The following SCARA3 variants were observed in gnomAD, a reference collection of about 807,000 sequenced individuals.
SCARA3 encodes scavenger receptor class A member 3, also known as cellular stress response gene protein.
SCARA3 carries 39 observed loss-of-function variants against 47.0 expected under a neutral mutation model. The observed-to-expected ratio is 0.83, with a 90% confidence interval of 0.64 to 1.08. The LOEUF (loss-of-function observed/expected upper bound fraction) is 1.08, where lower values mean the gene tolerates loss of function less well. SCARA3 is among the 50% of genes least tolerant of loss of function. The pLI, the probability that SCARA3 is intolerant of heterozygous loss-of-function variation, is 0.00. For missense variants in SCARA3, 724 were observed against 792.3 expected, an observed-to-expected ratio of 0.91 and a Z score of 1.04; for synonymous variants, 356 against 334.1, an observed-to-expected ratio of 1.07 and a Z score of -0.71.
At chr8:27,663,808 T>C (rs1406139686) in intron 5 of SCARA3, among the ~76,000 whole-genome samples, 1 of 152,228 alleles carries the variant, frequency 6.6e-6, no homozygotes, top group African/African-American at 2.4e-5. Flanking sequence ...CTGGGTCCTA[T>C]GGCCCAGGCA....
At chr8:27,718,659 A>T in the SCARA3 span, among the ~76,000 whole-genome samples, 1 of 152,228 alleles carries the variant, frequency 6.6e-6, no homozygotes, top group Non-Finnish European at 1.5e-5. Flanking sequence ...AAAAGATGCA[A>T]TATCAGATAT....
At chr8:27,663,708 G>C (rs1801959556) in intron 5 of SCARA3, among the ~76,000 whole-genome samples, 1 of 152,152 alleles carries the variant, frequency 6.6e-6, no homozygotes, top group Admixed American at 6.5e-5. Context: ...AAAATCCTAA[G>C]GGATTGTACT....
the SCARA3 span, among the ~76,000 whole-genome samples, chr8:27,705,994 G>A: frequency 6.6e-6 from 1 of 152,218 alleles, no homozygotes; most frequent in Non-Finnish European, 1.5e-5. Flanking sequence ...AGAGCTGGTG[G>A]TGAGAGAGAG....
downstream of SCARA3, among the ~76,000 whole-genome samples, chr8:27,678,471 C>T (rs1001693953): frequency 6.6e-6 from 1 of 152,164 alleles, no homozygotes. Context: ...CCACAGCTCA[C>T]TCAAGAAGAA....
chr8:27,718,898 A>G, the SCARA3 span, among the ~76,000 whole-genome samples: 1 of 152,226 alleles, frequency 6.6e-6, no homozygotes, highest in African/African-American at 2.4e-5. Flanking sequence ...GTGAAAAAAC[A>G]ATGATCACTT....
the SCARA3 span, among the ~76,000 whole-genome samples, chr8:27,707,948 C>A: frequency 6.6e-6 from 1 of 152,072 alleles, no homozygotes; most frequent in Non-Finnish European, 1.5e-5. Context: ...ATTGTGAGAG[C>A]AGGAGAAATG....
chr8:27,696,616 A>ATTTT, the SCARA3 span, among the ~76,000 whole-genome samples: 14 of 134,182 alleles, frequency 1.0e-4, 1 homozygote, highest in East Asian at 2.0e-3. Flanking sequence ...CACCTGGCTA[A>ATTTT]TTTTTTTTTT....
the SCARA3 span, among the ~76,000 whole-genome samples, chr8:27,717,582 C>G: frequency 6.6e-6 from 1 of 152,162 alleles, no homozygotes; most frequent in African/African-American, 2.4e-5. Flanking sequence ...GTCGCGGGTT[C>G]AAGACCAAAC....
chr8:27,692,812 T>A, the SCARA3 span, among the ~76,000 whole-genome samples: 1 of 152,072 alleles, frequency 6.6e-6, no homozygotes, highest in African/African-American at 2.4e-5. Context: ...AGATAATAAC[T>A]TAACTCTTTC....
chr8:27,664,197 T>C (rs1206879820), intron 5 of SCARA3, among the ~76,000 whole-genome samples: 1 of 152,186 alleles, frequency 6.6e-6, no homozygotes, highest in African/African-American at 2.4e-5. Context: ...GTGCACGACC[T>C]CTAGGGCACA....
the SCARA3 span, among the ~76,000 whole-genome samples, chr8:27,690,270 A>G: frequency 6.7e-6 from 1 of 149,626 alleles, no homozygotes; most frequent in Non-Finnish European, 1.5e-5. Context: ...CCACCTAGTC[A>G]GCACATGAGC....
downstream of SCARA3, chr8:27,676,795 TA>T (rs1237969704): frequency 3.7e-5 from 17 of 458,802 alleles, no homozygotes; most frequent in African/African-American, 3.2e-4. Flanking sequence ...TTTATTTTAC[TA>T]AGGGGGATGT....
At chr8:27,676,539 G>T, downstream of SCARA3, 1 of 1,609,114 alleles carries the variant, frequency 6.2e-7, no homozygotes, top group South Asian at 1.1e-5. Flanking sequence ...TTAAATATTA[G>T]AACATCTCAA....
At chr8:27,692,400 A>G in the SCARA3 span, among the ~76,000 whole-genome samples, 1 of 147,828 alleles carries the variant, frequency 6.8e-6, no homozygotes, top group African/African-American at 2.5e-5. Flanking sequence ...AGCCTGGGCA[A>G]CAGGAGTGAA....
At chr8:27,642,047 C>A (rs1165545230) in intron 1 of SCARA3, among the ~76,000 whole-genome samples, 4 of 152,122 alleles carry the variant, frequency 2.6e-5, no homozygotes, top group Non-Finnish European at 4.4e-5. Context: ...TTTAAATGGG[C>A]TTATTATTTT....
chr8:27,702,152 T>C, the SCARA3 span: 1 of 152,130 alleles, frequency 6.6e-6, no homozygotes, highest in Admixed American at 6.5e-5. Flanking sequence ...CTCGCTTGGG[T>C]CCTGCCTAGG....
At chr8:27,644,300 G>C (rs1264473586) in intron 1 of SCARA3, among the ~76,000 whole-genome samples, 3 of 152,188 alleles carry the variant, frequency 2.0e-5, no homozygotes, top group Non-Finnish European at 4.4e-5. Context: ...ATCACTGCAA[G>C]AAGATTGGGG....
intron 5 of SCARA3, among the ~76,000 whole-genome samples, chr8:27,660,555 A>G (rs919353393): frequency 2.6e-5 from 4 of 151,560 alleles, no homozygotes; most frequent in Non-Finnish European, 5.9e-5. Flanking sequence ...AGATAGATAG[A>G]TAGATAATAG....
chr8:27,729,266 A>C, the SCARA3 span, among the ~76,000 whole-genome samples: 1 of 151,848 alleles, frequency 6.6e-6, no homozygotes, highest in African/African-American at 2.4e-5. Flanking sequence ...CCCTTATAAA[A>C]CTCCATTTCC....
Sources: allele counts gnomAD v4.1 joint callset (sites outside exome capture counted in the v4.1 genomes callset), GRCh38; gene constraint gnomAD v4.1.1; transcripts MANE v1.5; gene names NCBI Gene and HGNC (gene_info 2026-07-23, HGNC 2026-07-21).